LMAN2: variants seen among roughly 807,000 people sequenced by gnomAD.
LMAN2 encodes the protein vesicular integral-membrane protein VIP36.
A neutral mutation model predicts 39.3 loss-of-function variants in LMAN2; 22 were observed. That is an observed-to-expected ratio of 0.56 (90% CI 0.40 to 0.80). The LOEUF is 0.80. Among genes scored for constraint, LMAN2 ranks in the 30% least tolerant of loss-of-function variants. The pLI, the probability that LMAN2 is intolerant of heterozygous loss-of-function variation, is 0.00. For synonymous variants in LMAN2, 207 were observed against 207.8 expected (o/e 1.00, Z 0.03); for missense variants, 494 against 505.4 (o/e 0.98, Z 0.22).
intron 3 of LMAN2, 86 bp downstream of exon 3, chr5:177,338,402 G>C (rs921376205): frequency 3.4e-5 from 37 of 1,073,332 alleles, no homozygotes; most frequent in Admixed American, 3.3e-4. Context: ...ACGAGCCACA[G>C]GCAGCCCCAC....
intron 6 of LMAN2, 75 bp from the exon 7 acceptor site, chr5:177,334,478 G>A (rs1561603219): frequency 6.5e-7 from 1 of 1,532,684 alleles, no homozygotes; most frequent in East Asian, 2.3e-5. Flanking sequence ...CCTCCCACAA[G>A]GAAAGCTGCT....
At chr5:177,345,339 T>TA (rs10639580) in intron 2 of LMAN2, among the ~76,000 whole-genome samples, 982 of 52,122 alleles carry the variant, frequency 0.019, 43 homozygotes, top group East Asian at 0.027. Flanking sequence ...AGACCCTGTC[T>TA]AAAAAAAAAA....
rs897749269 is a variant in LMAN2, at chr5:177,332,969, C to T, written c.911-723G>A. Among the ~76,000 whole-genome samples, 1 of 152,354 alleles carries T rather than the reference C, an allele frequency of 6.6e-6. No individual in the cohort carries two copies. The highest frequency in any genetic ancestry group is 1.9e-4 in the East Asian group (1 of 5,186). On this transcript the variant is annotated intron_variant, in intron 7 of 7. Coordinates refer to ENST00000303127, the MANE Select transcript of LMAN2 (RefSeq NM_006816.3). This position sits in a 1 kb window ranked among gnomAD's most constrained non-coding sequence, Gnocchi z 6.3. ...CAGTCTCCTCAGGCGTCCCCACACC[C>T]AGGCCTCGGGCCCAGGCCCTGCCTT...
rs1581608282 is a variant in LMAN2, at chr5:177,351,656, C to G, written c.-9G>C. The G allele has an allele frequency of 6.4e-7, 1 of 1,571,106 alleles. No homozygotes were observed. Among genetic ancestry groups the G allele is most frequent in the African/African-American group, 1.4e-5 (1 of 73,004 alleles). Reference sequence around the variant, plus strand: ...CAGCCTTCCGCCGCCATTCTCCTCTCCTCTCGGCCACTTCCGCCCTAGAAC... The same window carrying G: ...CAGCCTTCCGCCGCCATTCTCCTCTGCTCTCGGCCACTTCCGCCCTAGAAC... On this transcript the variant is annotated 5_prime_UTR_variant, in exon 1 of 8. Coordinates refer to ENST00000303127, the MANE Select transcript of LMAN2 (RefSeq NM_006816.3).
At chr5:177,343,000 T>C (rs1383199146) in intron 2 of LMAN2, among the ~76,000 whole-genome samples, 1 of 152,094 alleles carries the variant, frequency 6.6e-6, no homozygotes, top group Non-Finnish European at 1.5e-5. Context: ...ATGCCTGTAG[T>C]CCCAGCACTT....
intron 2 of LMAN2, among the ~76,000 whole-genome samples, chr5:177,340,900 G>GC (rs1761541681): frequency 1.3e-5 from 2 of 148,426 alleles, no homozygotes; most frequent in South Asian, 2.1e-4. Context: ...GACTACAGGC[G>GC]CCCGCCACCA....
At chr5:177,334,199 G>A in intron 7 of LMAN2, 85 bp downstream of exon 7, 1 of 1,507,796 alleles carries the variant, frequency 6.6e-7, no homozygotes, top group East Asian at 2.3e-5. Flanking sequence ...AACCACGACT[G>A]GACCACAAGA....
rs1324757166 is a variant in LMAN2, at chr5:177,351,226, C to G, written c.262G>C (p.Val88Leu). 1 of 1,614,194 alleles carries G rather than the reference C, an allele frequency of 6.2e-7. No homozygotes were observed. Among genetic ancestry groups the G allele is most frequent in the South Asian group, 1.1e-5 (1 of 91,078 alleles). The change falls in exon 2 of 8, where the codon GTA becomes CTA. Residue 88 changes from valine to leucine, a missense_variant. Coordinates refer to ENST00000303127, the MANE Select transcript of LMAN2 (RefSeq NM_006816.3). ...QGSTMLTSQY[V>L]RLTPDERSKE... ...CTGCGCTCGTCAGGGGTCAGACGTA[C>G]GTACTGGCTCGTGAGCATAGTGCTG...
intron 2 of LMAN2, among the ~76,000 whole-genome samples, chr5:177,344,898 C>T (rs1333375692): frequency 6.7e-6 from 1 of 149,334 alleles, no homozygotes; most frequent in African/African-American, 2.5e-5. Flanking sequence ...AGAGTGAGAC[C>T]CTGTCTCAAA....
chr5:177,343,475 A>G (rs1489692747), intron 2 of LMAN2, among the ~76,000 whole-genome samples: 1 of 99,226 alleles, frequency 1.0e-5, no homozygotes, highest in Non-Finnish European at 2.2e-5. Context: ...TTGTATACCA[A>G]TGTTCACTGC....
chr5:177,334,594 G>A (rs890277689), intron 6 of LMAN2, 191 bp from the exon 7 acceptor site: 1 of 628,962 alleles, frequency 1.6e-6, no homozygotes, highest in South Asian at 2.2e-5. Context: ...AAAAAGAGAG[G>A]AGGCAGAGTG....
intron 2 of LMAN2, among the ~76,000 whole-genome samples, chr5:177,347,903 G>T (rs931254777): frequency 8.5e-5 from 13 of 152,130 alleles, no homozygotes; most frequent in African/African-American, 3.1e-4. Context: ...AAGATTGCTT[G>T]AGTCCAAGAG....
intron 7 of LMAN2, 22 bp downstream of exon 7, chr5:177,334,262 G>A: frequency 6.2e-7 from 1 of 1,606,964 alleles, no homozygotes; most frequent in Non-Finnish European, 8.5e-7. Flanking sequence ...GGCCCAGGCA[G>A]GGCGGGGCTG....
At position 177,351,159 on chromosome 5, in the gene LMAN2, T is replaced by G; in HGVS notation, c.315+14A>C. The stretch of plus-strand genomic sequence containing the variant: ...CAACCGCACAGTACGCCTATCCTCT[T>G]GAGAACCACTCACCTGGTGGTTCCA... On this transcript the variant is annotated intron_variant, in intron 2 of 7. Coordinates refer to ENST00000303127, the MANE Select transcript of LMAN2 (RefSeq NM_006816.3). 2.5e-6 allele frequency: 4 copies of G among 1,610,502 alleles called. No individual in the cohort carries two copies. The highest frequency in any genetic ancestry group is 3.4e-6 in the Non-Finnish European group (4 of 1,176,670).
intron 2 of LMAN2, among the ~76,000 whole-genome samples, chr5:177,344,908 AAAAAGAAAAG>A (rs538648631): frequency 2.6e-5 from 4 of 151,502 alleles, no homozygotes; most frequent in Admixed American, 6.6e-5. Flanking sequence ...CCTGTCTCAA[AAAAAGAAAAG>A]AAAAGAAAAG....
At chr5:177,336,130 T>C (rs1343522901) in intron 6 of LMAN2, among the ~76,000 whole-genome samples, 1 of 152,074 alleles carries the variant, frequency 6.6e-6, no homozygotes, top group Non-Finnish European at 1.5e-5. Flanking sequence ...GCAAAGATGC[T>C]GGGGAGTGGG....
At chr5:177,347,443 G>C (rs966686898) in intron 2 of LMAN2, among the ~76,000 whole-genome samples, 1 of 152,182 alleles carries the variant, frequency 6.6e-6, no homozygotes, top group East Asian at 1.9e-4. Flanking sequence ...CAGATTAGTA[G>C]AGACATACTA....
intron 2 of LMAN2, among the ~76,000 whole-genome samples, chr5:177,342,974 C>A (rs1761579466): frequency 6.6e-6 from 1 of 152,150 alleles, no homozygotes; most frequent in African/African-American, 2.4e-5. Context: ...AAACCCTAGG[C>A]CGGGCGCGGT....
Position 177,337,105 on chromosome 5 carries a change from TG to T in LMAN2, c.790+30del. ...CCCAGTCCCTCAGGGTGAGCTGGGC[TG>T]GGAACCAACGCCTGGCCCGGCCCAC... On this transcript the variant is annotated intron_variant, in intron 6 of 7. Transcript: ENST00000303127. The surrounding 1 kb of genome is among the most constrained non-coding windows in gnomAD (Gnocchi z 8.2). The T allele has an allele frequency of 6.5e-7, 1 of 1,542,902 alleles. No homozygotes were observed. Among genetic ancestry groups the T allele is most frequent in the Non-Finnish European group, 8.9e-7 (1 of 1,120,154 alleles).
Sources: allele counts gnomAD v4.1 joint callset (sites outside exome capture counted in the v4.1 genomes callset), GRCh38; gene constraint gnomAD v4.1.1; non-coding constraint Gnocchi (gnomAD v3.1); transcripts MANE v1.5; gene names NCBI Gene and HGNC (gene_info 2026-07-23, HGNC 2026-07-21).